Variants in CDH18 observed in about 807,000 individuals in gnomAD.
CDH18 encodes cadherin-18.
CDH18 carries 31 observed loss-of-function variants against 67.9 expected under a neutral mutation model. The observed-to-expected ratio is 0.46, with a 90% CI of 0.34 to 0.62. The LOEUF (loss-of-function observed/expected upper bound fraction) is 0.62. Ranked by LOEUF, CDH18 falls within the 20% of genes least tolerant of loss-of-function variation. CDH18 has a pLI of 0.01. For missense variants in CDH18, 890 were observed against 975.5 expected (o/e 0.91, Z 1.17); for synonymous variants, 362 against 347.2 (o/e 1.04, Z -0.48).
At chr5:19,789,636 AAGAAG>A (rs1776158708) in intron 3 of CDH18, among the ~76,000 whole-genome samples, 1 of 152,172 alleles carries the variant, frequency 6.6e-6, no homozygotes, top group African/African-American at 2.4e-5. Context: ...ACAAATAGGC[AAGAAG>A]AGAAGACAAT....
rs1491114480 is a variant in CDH18, at chr5:19,994,829, A to AGT, written c.-517-2816_-517-2815insAC. 1.7e-3 allele frequency among the ~76,000 whole-genome samples: 36 copies of AGT among 21,030 alleles called. 3 individuals are homozygous for AGT. The highest frequency in any genetic ancestry group is 7.9e-3 in the African/African-American group (36 of 4,572). The allele number at this position is 21,030 out of a possible 152,430, so 13.8% of individuals were successfully genotyped here. A position where few individuals can be genotyped will look rare whatever the true frequency, so the allele number is the denominator to read the frequency against. On this transcript the variant is annotated intron_variant, in intron 2 of 14. Coordinates refer to the CDH18 transcript ENST00000507958. ...TGTCTCTGTGTGTATATATAAAGAG[A>AGT]ATATATATATATATATATATATATA...
chr5:19,528,353 CA>C (rs1338022310), intron 9 of CDH18, among the ~76,000 whole-genome samples: 7 of 151,658 alleles, frequency 4.6e-5, no homozygotes, highest in Admixed American at 1.3e-4. Flanking sequence ...ACTTTACTAA[CA>C]AAATGGATTA....
At chr5:19,887,566 G>A (rs775391411) in intron 2 of CDH18, among the ~76,000 whole-genome samples, 37 of 151,410 alleles carry the variant, frequency 2.4e-4, no homozygotes, top group Admixed American at 8.6e-4. Flanking sequence ...ATCCATCTGG[G>A]ACTTGCTTTT....
chr5:19,818,552 C>G (rs1275908121), intron 3 of CDH18, among the ~76,000 whole-genome samples: 1 of 152,078 alleles, frequency 6.6e-6, no homozygotes, highest in Admixed American at 6.6e-5. Flanking sequence ...GATGGAAATA[C>G]ATTCTGAGAA....
intron 2 of CDH18, among the ~76,000 whole-genome samples, chr5:19,931,877 T>A (rs1015482235): frequency 2.0e-5 from 3 of 151,758 alleles, no homozygotes; most frequent in African/African-American, 7.3e-5. Flanking sequence ...TCTCTCTATA[T>A]ACACATCTAA....
chr5:20,521,058 G>T (rs1755712226), intron 1 of CDH18, among the ~76,000 whole-genome samples: 1 of 152,080 alleles, frequency 6.6e-6, no homozygotes, highest in South Asian at 2.1e-4. Flanking sequence ...TAAAAATAGT[G>T]CCTCAAGGGA....
chr5:19,964,024 G>T (rs962660712), intron 2 of CDH18, among the ~76,000 whole-genome samples: 1 of 152,118 alleles, frequency 6.6e-6, no homozygotes, highest in Admixed American at 6.5e-5. Context: ...CCCTCAACAT[G>T]TGGGGATTAC....
At chr5:20,510,187 CT>C (rs1384732661) in intron 1 of CDH18, among the ~76,000 whole-genome samples, 1 of 151,908 alleles carries the variant, frequency 6.6e-6, no homozygotes, top group African/African-American at 2.4e-5. Context: ...ATTTGTGTGT[CT>C]TCTTCTGAGA....
chr5:20,540,817 A>T (rs555574165), intron 1 of CDH18, among the ~76,000 whole-genome samples: 1 of 152,226 alleles, frequency 6.6e-6, no homozygotes, highest in South Asian at 2.1e-4. Flanking sequence ...GCTACATTCC[A>T]TCTGAGGATA....
intron 8 of CDH18, among the ~76,000 whole-genome samples, chr5:19,553,978 T>C (rs1388197106): frequency 2.0e-5 from 3 of 152,084 alleles, no homozygotes. Context: ...ACCTGAAGTA[T>C]AGCTTAGATT....
intron 1 of CDH18, among the ~76,000 whole-genome samples, chr5:20,327,558 G>A (rs139553287): frequency 6.6e-6 from 1 of 151,726 alleles, no homozygotes; most frequent in Non-Finnish European, 1.5e-5. Flanking sequence ...TGCTCCTGTG[G>A]CTCCTCAGAC....
intron 1 of CDH18, among the ~76,000 whole-genome samples, chr5:20,362,497 G>T (rs764699808): frequency 1.6e-4 from 24 of 152,076 alleles, no homozygotes; most frequent in Non-Finnish European, 1.6e-4. Context: ...TTAATAGGTG[G>T]CATCAAATTG....
chr5:20,524,691 C>T (rs891500009), intron 1 of CDH18, among the ~76,000 whole-genome samples: 1 of 152,126 alleles, frequency 6.6e-6, no homozygotes, highest in African/African-American at 2.4e-5. Context: ...TTTAAAATCA[C>T]TTGGCAGCTA....
chr5:19,503,342 C>G (rs1420305045), intron 10 of CDH18, among the ~76,000 whole-genome samples: 1 of 151,912 alleles, frequency 6.6e-6, no homozygotes, highest in East Asian at 1.9e-4. Context: ...TATTTTCTAG[C>G]ATTGCAAACG....
chr5:20,152,355 A>G (rs575549421), intron 2 of CDH18, among the ~76,000 whole-genome samples: 112 of 150,674 alleles, frequency 7.4e-4, no homozygotes, highest in African/African-American at 2.6e-3. Context: ...TCTGTTTTCA[A>G]TATTGGCATT....
chr5:20,338,667 A>G lies in CDH18; in HGVS notation c.-579-83162T>C, dbSNP rs578010770. Among the ~76,000 whole-genome samples the G allele has an allele frequency of 3.3e-5, 5 of 152,340 alleles. No individual in the cohort carries two copies. The South Asian group carries it at 1.0e-3, about 32-fold the overall frequency. ...TTCCAGTTGCAATGGAACTGAAACA[A>G]CAAGGAGGAATATGTTTGGAGGTTA... On this transcript the variant is annotated intron_variant, in intron 1 of 14. Transcript: ENST00000507958.
chr5:19,754,729 G>A (rs753621672), intron 3 of CDH18, among the ~76,000 whole-genome samples: 2 of 152,080 alleles, frequency 1.3e-5, no homozygotes, highest in Non-Finnish European at 2.9e-5. Flanking sequence ...AATAGCACAT[G>A]GAACTTTCTC....
intron 3 of CDH18, among the ~76,000 whole-genome samples, chr5:19,789,833 C>T (rs1776176472): frequency 1.3e-5 from 2 of 151,300 alleles, no homozygotes; most frequent in Admixed American, 1.3e-4. Context: ...AAACAATAAG[C>T]AATAGTAGTA....
chr5:19,612,296 T>C (rs1189421575), intron 6 of CDH18, 138 bp downstream of exon 6: 12 of 734,796 alleles, frequency 1.6e-5, no homozygotes, highest in Non-Finnish European at 2.4e-5. Flanking sequence ...GAGTCTTACA[T>C]GAAGAAGGGT....
Sources: allele counts gnomAD v4.1 joint callset (sites outside exome capture counted in the v4.1 genomes callset), GRCh38; gene constraint gnomAD v4.1.1; transcripts MANE v1.5; gene names NCBI Gene and HGNC (gene_info 2026-07-23, HGNC 2026-07-21).